The following MORN1 variants were observed in gnomAD, a reference collection of about 807,000 sequenced individuals.
MORN1 encodes the protein MORN repeat-containing protein 1.
In MORN1, 67 loss-of-function variants were observed where a neutral mutation model predicts 61.9. That is an observed-to-expected ratio of 1.08 (90% CI 0.89 to 1.33). The LOEUF (loss-of-function observed/expected upper bound fraction) is 1.33, where lower values mean the gene tolerates loss of function less well. Among genes scored for constraint, MORN1 ranks in the 40% most tolerant of loss-of-function variants. The pLI is 0.00. For synonymous variants in MORN1, 301 were observed against 292.0 expected (o/e 1.03, Z -0.31); for missense variants, 752 against 691.2 (o/e 1.09, Z -0.99).
At chr1:2,343,489 G>A (rs1408012989) in intron 10 of MORN1, among the ~76,000 whole-genome samples, 3 of 152,184 alleles carry the variant, frequency 2.0e-5, no homozygotes, top group Non-Finnish European at 4.4e-5. Context: ...TCCTCTGGGG[G>A]TGCTGTGCTG....
chr1:2,342,840 A>ATTTTT, intron 10 of MORN1, among the ~76,000 whole-genome samples: 1 of 101,996 alleles, frequency 9.8e-6, no homozygotes, highest in Admixed American at 9.8e-5. Flanking sequence ...ATTTTATTTT[A>ATTTTT]TATTTTATTT....
intron 8 of MORN1, among the ~76,000 whole-genome samples, chr1:2,370,867 T>C (rs1236228299): frequency 6.6e-6 from 1 of 151,978 alleles, no homozygotes; most frequent in South Asian, 2.1e-4. Flanking sequence ...TTTGGTTTTT[T>C]TTTTTAGGGA....
intron 10 of MORN1, among the ~76,000 whole-genome samples, chr1:2,344,493 C>T (rs1385395972): frequency 3.3e-5 from 5 of 152,184 alleles, no homozygotes; most frequent in African/African-American, 1.2e-4. Context: ...GGTGCAGGAG[C>T]CCCAAGGCCG....
At chr1:2,325,172 T>TTCCTTCCCTC (rs1640992844) in intron 12 of MORN1, among the ~76,000 whole-genome samples, 1 of 13,672 alleles carries the variant, frequency 7.3e-5, no homozygotes, top group Non-Finnish European at 1.3e-4. Context: ...TTCCTTCCTT[T>TTCCTTCCCTC]CCTTCCTTCC....
intron 12 of MORN1, among the ~76,000 whole-genome samples, chr1:2,331,324 A>T (rs561427798): frequency 6.6e-4 from 101 of 152,290 alleles, no homozygotes; most frequent in African/African-American, 2.4e-3. Context: ...GGGCCAGGGC[A>T]GCCTTGGCCC....
At chr1:2,356,630 G>A (rs1338470712) in intron 10 of MORN1, among the ~76,000 whole-genome samples, 1 of 152,214 alleles carries the variant, frequency 6.6e-6, no homozygotes, top group Admixed American at 6.5e-5. Context: ...GTGCAGGGCT[G>A]TGGCAAGAAG....
At chr1:2,348,553 C>T (rs970872650) in intron 10 of MORN1, among the ~76,000 whole-genome samples, 1 of 152,188 alleles carries the variant, frequency 6.6e-6, no homozygotes, top group Non-Finnish European at 1.5e-5. Flanking sequence ...GGAGCCGCTG[C>T]CCACGGGCCC....
chr1:2,385,562 G>C (rs1159524728), intron 5 of MORN1: 1 of 292,966 alleles, frequency 3.4e-6, no homozygotes, highest in Non-Finnish European at 6.1e-6. Context: ...GGGGGGGGGG[G>C]ATGTTTTATC....
intron 8 of MORN1, among the ~76,000 whole-genome samples, chr1:2,367,306 C>CAAAAAAA (rs56188781): frequency 2.3e-5 from 3 of 132,808 alleles, no homozygotes; most frequent in Non-Finnish European, 4.8e-5. Context: ...ATTGCTCTAT[C>CAAAAAAA]AAAAAAAAAA....
intron 10 of MORN1, chr1:2,355,281 C>T (rs563241672): frequency 7.0e-7 from 1 of 1,434,324 alleles, no homozygotes; most frequent in Non-Finnish European, 9.2e-7. Context: ...CGGGCCGGGC[C>T]CCCCGTGGGC....
At chr1:2,358,510 G>A in intron 9 of MORN1, 82 bp downstream of exon 9, 2 of 1,576,998 alleles carry the variant, frequency 1.3e-6, no homozygotes, top group East Asian at 2.3e-5. Flanking sequence ...GGTCTCTAGG[G>A]AAAAAAGGAC....
At chr1:2,321,952 G>T (rs1640890594) in intron 13 of MORN1, 3 of 941,384 alleles carry the variant, frequency 3.2e-6, no homozygotes, top group African/African-American at 1.8e-5. Context: ...GGATTCTTTT[G>T]CAAATACTTT....
intron 2 of MORN1, among the ~76,000 whole-genome samples, chr1:2,389,559 C>T (rs1050540883): frequency 6.6e-6 from 1 of 152,228 alleles, no homozygotes; most frequent in Non-Finnish European, 1.5e-5. Context: ...TGAGCCACTG[C>T]GCTTGGCTTG....
chr1:2,353,150 G>C (rs1641687037), intron 10 of MORN1, among the ~76,000 whole-genome samples: 1 of 152,248 alleles, frequency 6.6e-6, no homozygotes, highest in African/African-American at 2.4e-5. Context: ...TGGGAGCCAA[G>C]CAGGCAGCGC....
chr1:2,334,851 C>T lies in MORN1; in HGVS notation c.1250+1618G>A, dbSNP rs550990782. Reference sequence around the variant, plus strand: ...AAGCCTTCTTTCTGCTGAAATAAGACGTTCCAACATCACCCTCAGCGCGGA... The same window carrying T: ...AAGCCTTCTTTCTGCTGAAATAAGATGTTCCAACATCACCCTCAGCGCGGA... On this transcript the variant is annotated intron_variant, in intron 12 of 13. Coordinates refer to ENST00000378531, the MANE Select transcript of MORN1 (RefSeq NM_024848.3). The surrounding 1 kb of genome is among the most constrained non-coding windows in gnomAD (Gnocchi z 5.4). Among the ~76,000 whole-genome samples, 5 of 152,328 alleles carry T rather than the reference C, an allele frequency of 3.3e-5. No individual in the cohort carries two copies. The highest frequency in any genetic ancestry group is 4.1e-4 in the South Asian group (2 of 4,832).
intron 10 of MORN1, among the ~76,000 whole-genome samples, chr1:2,345,855 A>ACACACACACAC (rs1557875132): frequency 2.0e-5 from 2 of 98,714 alleles, no homozygotes; most frequent in South Asian, 6.3e-4. Context: ...ACACACACAC[A>ACACACACACAC]GATGTTTGCT....
At chr1:2,376,322 G>A (rs549124712) in intron 6 of MORN1, 3 of 152,416 alleles carry the variant, frequency 2.0e-5, no homozygotes, top group South Asian at 2.1e-4. Flanking sequence ...GGAGAGGCGC[G>A]AGTCAGCGCA....
At chr1:2,324,263 G>C in intron 12 of MORN1, 120 bp from the exon 13 acceptor site, 6 of 1,062,074 alleles carry the variant, frequency 5.6e-6, no homozygotes, top group Non-Finnish European at 8.2e-6. Flanking sequence ...GCACAGCAGA[G>C]GCCTGCGAAC....
intron 10 of MORN1, 27 bp from the exon 11 acceptor site, chr1:2,336,877 C>A: frequency 6.5e-7 from 1 of 1,528,022 alleles, no homozygotes; most frequent in East Asian, 2.3e-5. Flanking sequence ...AAGAAAGACC[C>A]TATGAGGGGC....
Sources: gnomAD v4.1 joint callset for allele counts (sites outside exome capture counted in the v4.1 genomes callset) on GRCh38, gnomAD v4.1.1 for gene constraint, Gnocchi (gnomAD v3.1) non-coding constraint, MANE v1.5 for transcripts, NCBI Gene and HGNC (gene_info 2026-07-23, HGNC 2026-07-21) for gene names.